Variants in SCAPER observed in about 807,000 individuals in gnomAD.
SCAPER encodes S-phase cyclin A associated protein in the ER.
In SCAPER, 98 loss-of-function variants were observed where a neutral mutation model predicts 182.2. That is an observed-to-expected ratio of 0.54 (90% CI 0.46 to 0.64). The LOEUF (loss-of-function observed/expected upper bound fraction) is 0.64, where lower values mean the gene tolerates loss of function less well. Ranked by LOEUF, SCAPER falls within the 30% of genes least tolerant of loss-of-function variation. The pLI is 0.00. For missense variants in SCAPER, 1,432 were observed against 1,690.0 expected (o/e 0.85, Z 2.68); for synonymous variants, 605 against 564.6 (o/e 1.07, Z -1.01).
At chr15:76,750,410 G>A (rs917341530) in intron 15 of SCAPER, among the ~76,000 whole-genome samples, 1 of 151,774 alleles carries the variant, frequency 6.6e-6, no homozygotes, top group Non-Finnish European at 1.5e-5. Flanking sequence ...TGAAGAGGAG[G>A]GAATACATCC....
chr15:76,657,588 C>CAA (rs35243291), intron 21 of SCAPER, among the ~76,000 whole-genome samples: 9,327 of 129,702 alleles, frequency 0.072, 369 homozygotes, highest in South Asian at 0.13. Flanking sequence ...GACACAACAA[C>CAA]AAAAAAAAAA....
At chr15:76,719,995 T>G (rs191815444) in intron 17 of SCAPER, among the ~76,000 whole-genome samples, 2 of 152,130 alleles carry the variant, frequency 1.3e-5, no homozygotes, top group Non-Finnish European at 2.9e-5. Flanking sequence ...TTGTTACATA[T>G]GTATACATGT....
At chr15:76,606,733 G>C (rs887767566) in intron 22 of SCAPER, among the ~76,000 whole-genome samples, 1 of 151,726 alleles carries the variant, frequency 6.6e-6, no homozygotes, top group African/African-American at 2.4e-5. Context: ...AGGATAGTTA[G>C]CTCTTCTTGT....
intron 25 of SCAPER, among the ~76,000 whole-genome samples, chr15:76,464,627 C>T (rs1008006008): frequency 6.6e-6 from 1 of 152,054 alleles, no homozygotes; most frequent in African/African-American, 2.4e-5. Context: ...GTATATGCCA[C>T]GTTTTCTTTA....
Position 76,457,180 on chromosome 15 carries a change from G to A in SCAPER, c.3078+14032C>T, listed in dbSNP as rs375436621. Among the ~76,000 whole-genome samples, 1,182 of 151,728 alleles carry A rather than the reference G, an allele frequency of 7.8e-3. 7 individuals carry two copies. Among genetic ancestry groups the A allele is most frequent in the South Asian group, 0.016 (78 of 4,798 alleles). On this transcript the variant is annotated intron_variant, in intron 25 of 31. Coordinates refer to ENST00000563290, the MANE Select transcript of SCAPER (RefSeq NM_020843.4). ...CGGGTTCAAGTGATTCTCCTGCCTC[G>A]GCCTCCCAAGCAGCTGGGACTACAG... is the stretch of plus-strand genomic sequence containing the variant.
intron 23 of SCAPER, among the ~76,000 whole-genome samples, chr15:76,533,250 G>A (rs896660717): frequency 3.9e-5 from 6 of 151,986 alleles, no homozygotes; most frequent in African/African-American, 1.5e-4. Flanking sequence ...AATCAAATAC[G>A]TCAATATTTA....
At chr15:76,850,851 C>T (rs2070670095) in intron 4 of SCAPER, among the ~76,000 whole-genome samples, 1 of 127,928 alleles carries the variant, frequency 7.8e-6, no homozygotes, top group African/African-American at 3.0e-5. Flanking sequence ...AAGAGCAAGA[C>T]TCTGTCTCAA....
chr15:76,564,253 A>G (rs190446708), intron 23 of SCAPER, among the ~76,000 whole-genome samples: 2 of 152,274 alleles, frequency 1.3e-5, no homozygotes, highest in East Asian at 1.9e-4. Flanking sequence ...ACACGATCCT[A>G]TATCTAGAAA....
At chr15:76,546,153 C>T (rs2045264432) in intron 23 of SCAPER, among the ~76,000 whole-genome samples, 1 of 151,690 alleles carries the variant, frequency 6.6e-6, no homozygotes, top group Admixed American at 6.6e-5. Flanking sequence ...GTTTAGTACC[C>T]TTCCCAGGAA....
intron 24 of SCAPER, among the ~76,000 whole-genome samples, chr15:76,503,342 A>G (rs1207364314): frequency 6.6e-6 from 1 of 152,154 alleles, no homozygotes. Context: ...AAAAACCACT[A>G]TGCATGCTAT....
At chr15:76,459,543 G>GT (rs57690324) in intron 25 of SCAPER, among the ~76,000 whole-genome samples, 54,740 of 143,884 alleles carry the variant, frequency 0.38, 10,627 homozygotes, top group East Asian at 0.61. Context: ...AATTATTAGG[G>GT]TTTTTTTTTT....
At chr15:76,499,077 T>C (rs527286632) in intron 24 of SCAPER, among the ~76,000 whole-genome samples, 1 of 152,224 alleles carries the variant, frequency 6.6e-6, no homozygotes, top group Non-Finnish European at 1.5e-5. Context: ...AAAACTGTGA[T>C]AAGGACAATG....
rs1255444407 is a variant in SCAPER, at chr15:76,523,423, C to T, written c.2839-18449G>A. ...GGTTCCCAGGTCAGTCACTGATTGT[C>T]CTTTATGTAAATCTGATAGAACCGA... On this transcript the variant is annotated intron_variant, in intron 23 of 31. Transcript: ENST00000563290. Among the ~76,000 whole-genome samples, 4 of 152,036 alleles carry T rather than the reference C, an allele frequency of 2.6e-5. No individual in the cohort carries two copies. In the East Asian group the frequency reaches 7.7e-4, roughly 29 times the overall value.
chr15:76,841,772 C>T lies in SCAPER; in HGVS notation c.355G>A (p.Val119Ile), dbSNP rs1200973061. 1 of 1,613,808 alleles carries T rather than the reference C, an allele frequency of 6.2e-7. No individual in the cohort carries two copies. The highest frequency in any genetic ancestry group is 1.3e-5 in the African/African-American group (1 of 74,940). Residue 119 changes from valine to isoleucine, a missense_variant, in exon 5 of 32, where the codon GTA becomes ATA. Transcript: ENST00000563290. ...ACACTCTGATCTGATTCGCAAGTTA[C>T]ATAGATTTCATCTACTGCTCGGCGA... ...NLRRAVDEIY[V>I]TCESDQSVVE...
At chr15:76,803,748 C>T (rs1598821898) in intron 6 of SCAPER, among the ~76,000 whole-genome samples, 1 of 151,980 alleles carries the variant, frequency 6.6e-6, no homozygotes, top group African/African-American at 2.4e-5. Flanking sequence ...CTCCACCTTC[C>T]CAACTTAACT....
chr15:76,768,690 A>C (rs528341332), intron 10 of SCAPER, among the ~76,000 whole-genome samples: 2 of 152,276 alleles, frequency 1.3e-5, no homozygotes, highest in Admixed American at 6.5e-5. Context: ...AGTCGTTAGA[A>C]AAGAAATAGA....
chr15:76,782,670 C>T (rs1053655069), intron 8 of SCAPER, among the ~76,000 whole-genome samples: 4 of 152,140 alleles, frequency 2.6e-5, no homozygotes, highest in Non-Finnish European at 4.4e-5. Flanking sequence ...ATAAAAATCA[C>T]AACAAACTGT....
chr15:76,443,524 C>T (rs899096584), intron 25 of SCAPER, among the ~76,000 whole-genome samples: 2 of 152,136 alleles, frequency 1.3e-5, no homozygotes, highest in African/African-American at 4.8e-5. Flanking sequence ...TAAGAAGGGA[C>T]AACATGATGT....
rs763435756 is a variant in SCAPER at position 76,795,418 on chromosome 15, C to T, written c.634G>A (p.Ala212Thr). The change falls in exon 8 of 32, where the codon GCT (alanine) becomes ACT (threonine). Residue 212 changes from alanine (A) to threonine (T), a missense_variant. Physicochemically the swap from Ala to Thr is moderately conservative, Grantham distance 58. Around this residue, in one of 5 missense-constraint regions of SCAPER, gnomAD observed 480 missense variants for 510.2 expected, o/e 0.94. Transcript: ENST00000563290. ...NFGGSTGTVP[A>T]PRLAPTGVSW... ...ACACCTGTGGGAGCCAGACGAGGAG[C>T]TGGCACTGTGCCAGTTGAACCTCTA... 21 of 1,603,646 alleles carry T rather than the reference C, an allele frequency of 1.3e-5. No individual in the cohort carries two copies. The highest frequency in any genetic ancestry group is 5.1e-5 in the Admixed American group (3 of 59,138).
Sources: allele counts gnomAD v4.1 joint callset (sites outside exome capture counted in the v4.1 genomes callset), GRCh38; gene constraint gnomAD v4.1.1; regional missense constraint gnomAD v4.1.1; transcripts MANE v1.5; gene names NCBI Gene and HGNC (gene_info 2026-07-23, HGNC 2026-07-21).